The following CLRN1 variants were observed in gnomAD, a reference collection of about 807,000 sequenced individuals.
CLRN1 encodes clarin 1, also known as clarin-1.
CLRN1 carries 15 observed loss-of-function variants against 18.7 expected under a neutral mutation model. The ratio of observed to expected loss-of-function variants is 0.80; its 90% CI spans 0.54 to 1.23. The LOEUF (loss-of-function observed/expected upper bound fraction) is 1.23. Ranked by LOEUF, CLRN1 falls within the 50% of genes most tolerant of loss-of-function variation. The pLI is 0.00. For synonymous variants in CLRN1, 104 were observed against 102.9 expected (o/e 1.01, Z -0.07); for missense variants, 311 against 277.5 (o/e 1.12, Z -0.86).
At chr3:150,941,142 A>G (rs868470961) in intron 2 of CLRN1, among the ~76,000 whole-genome samples, 3 of 69,914 alleles carry the variant, frequency 4.3e-5, no homozygotes, top group African/African-American at 1.6e-4. Flanking sequence ...CTGTCTGTCT[A>G]TCTATCTATC....
rs542556371 is a variant in CLRN1, at chr3:150,971,531, G to C, written c.253+925C>G. 5.3e-5 allele frequency among the ~76,000 whole-genome samples: 8 copies of C among 151,958 alleles called. No individual in the cohort carries two copies. In the South Asian group the frequency reaches 1.7e-3, roughly 32 times the overall value. ...ATACTAGAAAGAAAAAAAAAACCTG[G>C]GCAAAATAATAATTCATTTTAAATG... On this transcript the variant is annotated intron_variant, in intron 1 of 2. Coordinates refer to ENST00000327047, the MANE Select transcript of CLRN1 (RefSeq NM_174878.3).
chr3:150,955,584 TCTC>T (rs1160974448), intron 1 of CLRN1, among the ~76,000 whole-genome samples: 1 of 152,140 alleles, frequency 6.6e-6, no homozygotes, highest in African/African-American at 2.4e-5. Context: ...GAATTTCAAA[TCTC>T]CTCATTAAAA....
chr3:150,972,823 C>T (rs1448485304), upstream of CLRN1: 4 of 1,457,044 alleles, frequency 2.7e-6, no homozygotes, highest in Non-Finnish European at 3.8e-6. Context: ...CAGCTCCCAG[C>T]TGAAAAGGCA....
chr3:150,935,298 T>TCC (rs1713406447), intron 2 of CLRN1, among the ~76,000 whole-genome samples: 1 of 106,362 alleles, frequency 9.4e-6, no homozygotes, highest in Non-Finnish European at 1.9e-5. Flanking sequence ...TCCCCCCTCT[T>TCC]CCCACCCCAC....
At chr3:150,968,912 C>T (rs1158173714) in intron 1 of CLRN1, among the ~76,000 whole-genome samples, 3 of 152,110 alleles carry the variant, frequency 2.0e-5, no homozygotes. Flanking sequence ...GGGACCTCCT[C>T]TTTTGGCTTT....
intron 1 of CLRN1, among the ~76,000 whole-genome samples, chr3:150,948,868 C>T (rs1183275758): frequency 6.6e-6 from 1 of 152,098 alleles, no homozygotes; most frequent in East Asian, 1.9e-4. Flanking sequence ...AGGAGGCCAG[C>T]ATCATTCTGA....
At chr3:150,953,332 C>A (rs1398589750) in intron 1 of CLRN1, among the ~76,000 whole-genome samples, 1 of 151,936 alleles carries the variant, frequency 6.6e-6, no homozygotes, top group Non-Finnish European at 1.5e-5. Context: ...TTCAGAATTA[C>A]CCTCCCTTTC....
intron 1 of CLRN1, among the ~76,000 whole-genome samples, chr3:150,957,451 T>C (rs1714799692): frequency 6.6e-6 from 1 of 152,172 alleles, no homozygotes; most frequent in Non-Finnish European, 1.5e-5. Context: ...TCTCCTGTGA[T>C]GTTCTGGCTG....
chr3:150,945,627 T>C (rs1178650138), intron 1 of CLRN1: 2 of 1,286,424 alleles, frequency 1.6e-6, no homozygotes, highest in Non-Finnish European at 2.0e-6. Flanking sequence ...CACTCAGGAG[T>C]CATGGCCAGG....
chr3:150,926,435 C>T (rs1169424604), downstream of CLRN1: 2 of 349,898 alleles, frequency 5.7e-6, no homozygotes, highest in African/African-American at 2.1e-5. Context: ...TGTACTGGAC[C>T]ATTTCAGCTA....
chr3:150,936,737 G>A (rs60733848), intron 2 of CLRN1, among the ~76,000 whole-genome samples: 51,393 of 151,876 alleles, frequency 0.34, 8,898 homozygotes, highest in South Asian at 0.4. Flanking sequence ...TTAATGTTTA[G>A]GGTCCAACAT....
chr3:150,955,768 T>C (rs925671352), intron 1 of CLRN1, among the ~76,000 whole-genome samples: 2 of 152,196 alleles, frequency 1.3e-5, no homozygotes, highest in African/African-American at 4.8e-5. Flanking sequence ...TGAAGGAAGA[T>C]GAATTTTCTT....
At chr3:150,966,849 T>G (rs1004346870) in intron 1 of CLRN1, among the ~76,000 whole-genome samples, 1 of 152,194 alleles carries the variant, frequency 6.6e-6, no homozygotes. Context: ...GGAGTCATCA[T>G]GTGACTAAGA....
chr3:150,952,999 G>A (rs568591105), intron 1 of CLRN1, among the ~76,000 whole-genome samples: 4 of 152,168 alleles, frequency 2.6e-5, no homozygotes, highest in Middle Eastern at 3.4e-3. Flanking sequence ...CAGAACTCTC[G>A]TAACACCCTT....
intron 1 of CLRN1, among the ~76,000 whole-genome samples, chr3:150,960,232 A>G (rs1173607615): frequency 6.6e-6 from 1 of 152,218 alleles, no homozygotes; most frequent in Non-Finnish European, 1.5e-5. Context: ...AGATTGTTGT[A>G]AATTTTAAGT....
At chr3:150,933,617 G>A (rs1363194223) in intron 2 of CLRN1, among the ~76,000 whole-genome samples, 2 of 152,172 alleles carry the variant, frequency 1.3e-5, no homozygotes, top group African/African-American at 4.8e-5. Context: ...TGCTTTGGAG[G>A]TCAAAGCAAG....
Position 150,942,004 on chromosome 3 carries a change from G to T in CLRN1, c.254-243C>A, listed in dbSNP as rs117009261. Among the ~76,000 whole-genome samples the T allele has an allele frequency of 9.0e-4, 137 of 151,860 alleles. 3 individuals are homozygous for T. In the East Asian group the frequency reaches 0.02, roughly 22 times the overall value. ...TTGAGGTAATTTATTTTCTGTGCTT[G>T]GTCATATGTAATGATTTAAACAAAT... On this transcript the variant is annotated intron_variant, in intron 1 of 2. Transcript: ENST00000327047.
intron 1 of CLRN1, among the ~76,000 whole-genome samples, chr3:150,959,647 G>T (rs1307777432): frequency 6.8e-6 from 1 of 146,098 alleles, no homozygotes; most frequent in Admixed American, 6.8e-5. Context: ...AAAAAAAAAA[G>T]GTTACTGGAG....
intron 2 of CLRN1, 56 bp downstream of exon 2, chr3:150,941,526 T>A: frequency 6.5e-7 from 1 of 1,532,430 alleles, no homozygotes; most frequent in Non-Finnish European, 9.0e-7. Context: ...AGGTAGACGG[T>A]CTTTTTGACA....
Sources: gnomAD v4.1 joint callset for allele counts (sites outside exome capture counted in the v4.1 genomes callset) on GRCh38, gnomAD v4.1.1 for gene constraint, MANE v1.5 for transcripts, NCBI Gene and HGNC (gene_info 2026-07-23, HGNC 2026-07-21) for gene names.